Variants in GOT1 observed in about 807,000 individuals in gnomAD.
The protein encoded by GOT1 is glutamic-oxaloacetic transaminase 1, also known as aspartate aminotransferase, cytoplasmic.
GOT1 carries 25 observed loss-of-function variants against 48.2 expected under a neutral mutation model. The observed-to-expected ratio is 0.52, with a 90% CI of 0.38 to 0.72. The LOEUF (loss-of-function observed/expected upper bound fraction) is 0.72. GOT1 is among the 30% of genes least tolerant of loss of function. The probability of loss-of-function intolerance (pLI) is 0.00; values close to 1 mark genes in which losing one functional copy is unlikely to be tolerated. For missense variants in GOT1, 380 were observed against 520.1 expected, an observed-to-expected ratio of 0.73 and a Z score of 2.62; for synonymous variants, 188 against 193.8, an observed-to-expected ratio of 0.97 and a Z score of 0.25.
At chr10:99,407,717 C>T (rs1193266600) in intron 2 of GOT1, among the ~76,000 whole-genome samples, 1 of 151,976 alleles carries the variant, frequency 6.6e-6, no homozygotes, top group African/African-American at 2.4e-5. Flanking sequence ...CAGGTGTGAG[C>T]CACTGCGCCT....
At chr10:99,425,533 G>A (rs756291661) in intron 1 of GOT1, among the ~76,000 whole-genome samples, 6 of 152,186 alleles carry the variant, frequency 3.9e-5, no homozygotes, top group Admixed American at 3.3e-4. Context: ...TTCCAGAAGC[G>A]AAATAATGAG....
intron 5 of GOT1, 78 bp from the exon 6 acceptor site, chr10:99,403,952 G>T: frequency 7.3e-7 from 1 of 1,376,562 alleles, no homozygotes; most frequent in Non-Finnish European, 1.0e-6. Flanking sequence ...TTCCCCAGCT[G>T]ATGCCTGGAG....
intron 3 of GOT1, 83 bp downstream of exon 3, chr10:99,406,643 C>T (rs2032760514): frequency 7.1e-7 from 1 of 1,398,790 alleles, no homozygotes. Flanking sequence ...GGCTGGATTA[C>T]ATTTTCTGTG....
intron 1 of GOT1, among the ~76,000 whole-genome samples, chr10:99,421,559 C>G (rs1182161967): frequency 2.6e-5 from 4 of 152,170 alleles, no homozygotes; most frequent in Non-Finnish European, 5.9e-5. Flanking sequence ...CTACAGTAAA[C>G]CTCTAAGCAT....
intron 1 of GOT1, among the ~76,000 whole-genome samples, chr10:99,422,674 C>A (rs780988582): frequency 5.9e-5 from 9 of 152,182 alleles, no homozygotes; most frequent in Non-Finnish European, 1.3e-4. Context: ...TAGTTTCTTA[C>A]ATATCCTTCC....
At chr10:99,413,631 A>G (rs908010488) in intron 2 of GOT1, among the ~76,000 whole-genome samples, 2 of 152,336 alleles carry the variant, frequency 1.3e-5, no homozygotes, top group Admixed American at 6.5e-5. Flanking sequence ...TCCAAGACAC[A>G]TAATTGTCAG....
intron 8 of GOT1, among the ~76,000 whole-genome samples, chr10:99,401,099 A>C (rs2032669133): frequency 1.3e-5 from 2 of 152,230 alleles, no homozygotes; most frequent in South Asian, 4.1e-4. Context: ...CCTCCTGTGG[A>C]TAATGGGAAG....
intron 2 of GOT1, 155 bp downstream of exon 2, chr10:99,420,469 A>G (rs2032951664): frequency 4.8e-6 from 3 of 619,060 alleles, no homozygotes; most frequent in East Asian, 2.8e-5. Flanking sequence ...TGGCCACATT[A>G]TTTGCGCTAT....
intron 1 of GOT1, among the ~76,000 whole-genome samples, chr10:99,421,106 T>A (rs1336815326): frequency 6.6e-6 from 1 of 152,164 alleles, no homozygotes; most frequent in African/African-American, 2.4e-5. Context: ...CCTGGTCACA[T>A]GAGAAAGTAC....
intron 8 of GOT1, among the ~76,000 whole-genome samples, chr10:99,399,305 A>G (rs1395431297): frequency 6.6e-6 from 1 of 152,192 alleles, no homozygotes; most frequent in Non-Finnish European, 1.5e-5. Context: ...TTATCTACAT[A>G]ATATAACAAG....
chr10:99,430,475 G>C lies in GOT1; in HGVS notation c.91C>G (p.Pro31Ala). 6.2e-7 allele frequency: 1 copy of C among 1,611,406 alleles called. No individual in the cohort carries two copies. The highest frequency in any genetic ancestry group is 8.5e-7 in the Non-Finnish European group (1 of 1,178,280). Residue 31 changes from proline (P) to alanine (A), a missense_variant, in exon 1 of 9, where the codon CCC (proline) becomes GCC (alanine). Pro to Ala is a conservative substitution (Grantham distance 27). Coordinates refer to ENST00000370508, the MANE Select transcript of GOT1 (RefSeq NM_002079.3). ...LTADFREDPD[P>A]RKVNLGVGAY... ...CCCACTCCCAGGTTGACCTTGCGGG[G>C]GTCCGGATCCTCCCTGAAGTCGGCA...
chr10:99,421,391 A>T (rs1239482430), intron 1 of GOT1, among the ~76,000 whole-genome samples: 1 of 152,218 alleles, frequency 6.6e-6, no homozygotes, highest in African/African-American at 2.4e-5. Context: ...TTTCAATGAC[A>T]GGTGACACAA....
chr10:99,407,285 C>T (rs1463335212), intron 2 of GOT1, among the ~76,000 whole-genome samples: 2 of 152,184 alleles, frequency 1.3e-5, no homozygotes, highest in African/African-American at 4.8e-5. Context: ...TAGCATAAGC[C>T]TCTAAAACAG....
intron 1 of GOT1, among the ~76,000 whole-genome samples, chr10:99,425,856 A>T (rs2033031600): frequency 6.6e-6 from 1 of 152,182 alleles, no homozygotes; most frequent in Non-Finnish European, 1.5e-5. Context: ...TGACATTCAG[A>T]GATGAGGTCT....
rs1215137614 is a variant in GOT1, at chr10:99,400,475, G to A, written c.1102+2105C>T. ...AGCCTGAGCAATATGGTGAGACCCC[G>A]TTTCTACAAAAAATTAGCCGGGCAT... On this transcript the variant is annotated intron_variant, in intron 8 of 8. Coordinates refer to ENST00000370508, the MANE Select transcript of GOT1 (RefSeq NM_002079.3). 4.6e-5 allele frequency among the ~76,000 whole-genome samples: 7 copies of A among 151,916 alleles called. No individual in the cohort carries two copies. In the East Asian group the frequency reaches 5.8e-4, roughly 13 times the overall value.
chr10:99,411,651 A>C (rs1224500707), intron 2 of GOT1, among the ~76,000 whole-genome samples: 3 of 152,196 alleles, frequency 2.0e-5, no homozygotes, highest in African/African-American at 7.2e-5. Flanking sequence ...TGATATAGTC[A>C]AAAAGATTAC....
chr10:99,404,327 C>T (rs1195033399), intron 5 of GOT1, among the ~76,000 whole-genome samples: 1 of 152,192 alleles, frequency 6.6e-6, no homozygotes, highest in African/African-American at 2.4e-5. Context: ...CCACAGGGAA[C>T]CTGCTTCTAC....
chr10:99,421,423 C>T (rs1319951609), intron 1 of GOT1, among the ~76,000 whole-genome samples: 1 of 152,192 alleles, frequency 6.6e-6, no homozygotes, highest in African/African-American at 2.4e-5. Context: ...CCCACTTAAA[C>T]ACATCTCTAT....
chr10:99,418,969 C>G (rs1416828951), intron 2 of GOT1, among the ~76,000 whole-genome samples: 2 of 152,212 alleles, frequency 1.3e-5, no homozygotes, highest in African/African-American at 4.8e-5. Flanking sequence ...CCAATCCATA[C>G]AAAACCTTAA....
Sources: allele counts gnomAD v4.1 joint callset (sites outside exome capture counted in the v4.1 genomes callset), GRCh38; gene constraint gnomAD v4.1.1; transcripts MANE v1.5; gene names NCBI Gene and HGNC (gene_info 2026-07-23, HGNC 2026-07-21).